RNF125: variants seen among roughly 807,000 people sequenced by gnomAD.
RNF125 encodes the protein ring finger protein 125.
RNF125 carries 21 observed loss-of-function variants against 26.0 expected under a neutral mutation model. The ratio of observed to expected loss-of-function variants is 0.81; its 90% CI spans 0.57 to 1.16. The LOEUF (loss-of-function observed/expected upper bound fraction) is 1.16. RNF125 is among the 50% of genes most tolerant of loss of function. The pLI is 0.00. For synonymous variants in RNF125, 95 were observed against 109.2 expected (o/e 0.87, Z 0.81); for missense variants, 270 against 299.4 (o/e 0.90, Z 0.72).
downstream of RNF125, chr18:32,075,940 T>C: frequency 6.6e-7 from 1 of 1,520,758 alleles, no homozygotes; most frequent in Non-Finnish European, 9.0e-7. Context: ...TGCTTCTTCA[T>C]GGTCCATGAT....
At chr18:32,048,437 C>CAAA (rs545448907) in intron 4 of RNF125, among the ~76,000 whole-genome samples, 1 of 69,690 alleles carries the variant, frequency 1.4e-5, no homozygotes, top group Non-Finnish European at 4.0e-5. Flanking sequence ...AAAAAACAAA[C>CAAA]AAAAAAACCC....
chr18:32,040,293 A>G (rs575460183), intron 2 of RNF125, among the ~76,000 whole-genome samples: 107 of 116,028 alleles, frequency 9.2e-4, no homozygotes, highest in African/African-American at 3.5e-3. Context: ...TTTTTTTGAG[A>G]CAGAGTCTTG....
chr18:32,030,022 C>T (rs1397610518), intron 1 of RNF125, among the ~76,000 whole-genome samples: 4 of 152,072 alleles, frequency 2.6e-5, no homozygotes, highest in African/African-American at 7.2e-5. Flanking sequence ...ATAGAATGTA[C>T]CTAATTTTTA....
At chr18:32,038,764 C>T (rs1158147732) in intron 2 of RNF125, among the ~76,000 whole-genome samples, 3 of 151,930 alleles carry the variant, frequency 2.0e-5, no homozygotes, top group Admixed American at 6.6e-5. Flanking sequence ...GGGCTTATAT[C>T]TTTATTTTTA....
At chr18:32,038,869 G>A (rs547461470) in intron 2 of RNF125, among the ~76,000 whole-genome samples, 1 of 151,844 alleles carries the variant, frequency 6.6e-6, no homozygotes, top group Non-Finnish European at 1.5e-5. Flanking sequence ...GGGTTTAAGC[G>A]ATTTTCATGC....
At chr18:32,049,350 A>G (rs1190357373) in intron 4 of RNF125, among the ~76,000 whole-genome samples, 1 of 152,200 alleles carries the variant, frequency 6.6e-6, no homozygotes, top group Non-Finnish European at 1.5e-5. Context: ...CTGTTTCATC[A>G]TTTGTAAAAT....
intron 3 of RNF125, among the ~76,000 whole-genome samples, chr18:32,043,584 GAC>G (rs1485826399): frequency 1.3e-5 from 2 of 152,160 alleles, no homozygotes; most frequent in Non-Finnish European, 2.9e-5. Context: ...TGACCACAAT[GAC>G]CAATAGGAAG....
chr18:32,060,293 C>T (rs1166948451), intron 4 of RNF125, among the ~76,000 whole-genome samples: 2 of 152,182 alleles, frequency 1.3e-5, no homozygotes, highest in African/African-American at 4.8e-5. Context: ...CACTGGCCTG[C>T]ACAGTGAATG....
At chr18:32,031,596 T>C (rs2039097249) in intron 1 of RNF125, among the ~76,000 whole-genome samples, 1 of 148,774 alleles carries the variant, frequency 6.7e-6, no homozygotes, top group South Asian at 2.2e-4. Context: ...GTCAGAACCA[T>C]AAGTGTTGTA....
intron 4 of RNF125, among the ~76,000 whole-genome samples, chr18:32,064,161 A>T (rs1256328973): frequency 6.6e-6 from 1 of 151,438 alleles, no homozygotes; most frequent in African/African-American, 2.4e-5. Context: ...CGCCTGGCTA[A>T]TTTTTTTGTC....
chr18:32,032,658 CT>C (rs1236931299), intron 1 of RNF125, among the ~76,000 whole-genome samples: 1 of 152,036 alleles, frequency 6.6e-6, no homozygotes, highest in Non-Finnish European at 1.5e-5. Context: ...TTCAAACTCG[CT>C]TCTTCAATGG....
the RNF125 span, among the ~76,000 whole-genome samples, chr18:32,085,373 CAGAGAGAGAGAGAGAGAGAG>C: frequency 4.7e-5 from 6 of 128,814 alleles, no homozygotes; most frequent in African/African-American, 9.2e-5. Flanking sequence ...CTGCCAGAAG[CAGAGAGAGAGAGAGAGAGAG>C]AGAGAGAGAG....
the RNF125 span, among the ~76,000 whole-genome samples, chr18:32,087,382 T>C: frequency 7.6e-4 from 116 of 151,810 alleles, no homozygotes; most frequent in African/African-American, 2.7e-3. Flanking sequence ...AGCTGGTTGG[T>C]CGGAAGTTCT....
chr18:32,090,796 A>T, the RNF125 span, among the ~76,000 whole-genome samples: 1 of 152,242 alleles, frequency 6.6e-6, no homozygotes, highest in Non-Finnish European at 1.5e-5. Context: ...TGATTTAAAT[A>T]GTCCCTTAAA....
intron 4 of RNF125, among the ~76,000 whole-genome samples, chr18:32,047,568 C>T (rs606590): frequency 0.4 from 61,520 of 151,940 alleles, 12,432 homozygotes; most frequent in South Asian, 0.44. Flanking sequence ...CTTAATCTGA[C>T]CATAATTGGG....
the RNF125 span, among the ~76,000 whole-genome samples, chr18:32,087,432 G>C: frequency 6.6e-6 from 1 of 151,714 alleles, no homozygotes; most frequent in Non-Finnish European, 1.5e-5. Context: ...GGGTATGGAA[G>C]CCAGTCTTGG....
downstream of RNF125, chr18:32,075,972 A>G (rs1458704968): frequency 2.1e-6 from 3 of 1,416,056 alleles, no homozygotes. Context: ...TTGTCAGTAC[A>G]ATGAAACCAA....
At chr18:32,026,584 G>T (rs1232502258) in intron 1 of RNF125, among the ~76,000 whole-genome samples, 1 of 152,040 alleles carries the variant, frequency 6.6e-6, no homozygotes, top group African/African-American at 2.4e-5. Flanking sequence ...GGTAGCTGTG[G>T]CATTTCATGC....
At chr18:32,043,502 A>C (rs1382878529) in intron 3 of RNF125, among the ~76,000 whole-genome samples, 1 of 152,254 alleles carries the variant, frequency 6.6e-6, no homozygotes, top group African/African-American at 2.4e-5. Flanking sequence ...TTATAGGATT[A>C]GCTTTATACC....
Sources: gnomAD v4.1 joint callset for allele counts (sites outside exome capture counted in the v4.1 genomes callset) on GRCh38, gnomAD v4.1.1 for gene constraint, MANE v1.5 for transcripts, NCBI Gene and HGNC (gene_info 2026-07-23, HGNC 2026-07-21) for gene names.